The following XKR3 variants were observed in gnomAD, a reference collection of about 807,000 sequenced individuals.
XKR3 encodes the protein XK related 3, also known as XK-related protein 3.
XKR3 carries 27 observed loss-of-function variants against 40.3 expected under a neutral mutation model. That is an observed-to-expected ratio of 0.67 (90% CI 0.49 to 0.92). The LOEUF is 0.92. XKR3 is among the 40% of genes least tolerant of loss of function. XKR3 has a pLI of 0.00. For synonymous variants in XKR3, 193 were observed against 195.4 expected (o/e 0.99, Z 0.10); for missense variants, 472 against 537.6 (o/e 0.88, Z 1.21).
intron 2 of XKR3, among the ~76,000 whole-genome samples, chr22:16,806,417 T>A (rs1358279376): frequency 2.6e-5 from 4 of 151,856 alleles, no homozygotes; most frequent in Admixed American, 2.6e-4. Context: ...TATATAAACA[T>A]GTATTTCCAT....
At position 16,807,941 on chromosome 22, in the gene XKR3, A is replaced by T. The variant is rs747272177; in HGVS notation, c.133T>A (p.Cys45Ser). ...FSIIFSTVLY[C>S]GEVAFGLYMF... ...TATAAACCAAAGGCAACCTCACCAC[A>T]GTAGAGAACAGTTGAGAAGATAATG... Residue 45 changes from cysteine to serine, a missense_variant, in exon 2 of 4, where the codon TGT becomes AGT. Transcript: ENST00000684488. 1 of 1,614,032 alleles carries T rather than the reference A, an allele frequency of 6.2e-7. No homozygotes were observed. The highest frequency in any genetic ancestry group is 1.1e-5 in the South Asian group (1 of 91,074).
intron 1 of XKR3, among the ~76,000 whole-genome samples, chr22:16,810,391 A>G (rs904787469): frequency 6.6e-6 from 1 of 152,088 alleles, no homozygotes; most frequent in African/African-American, 2.4e-5. Flanking sequence ...TCATTGCATC[A>G]TTTCTATTAA....
At chr22:16,798,764 C>A (rs2060153644) in intron 3 of XKR3, among the ~76,000 whole-genome samples, 2 of 152,070 alleles carry the variant, frequency 1.3e-5, no homozygotes, top group South Asian at 4.2e-4. Flanking sequence ...GAATAGAAAA[C>A]CAAATAGATT....
In XKR3 at chr22:16,808,001, G is replaced by C. The variant is rs1233206386; in HGVS notation, c.73C>G (p.Leu25Val). ...GVSSSKEEIV[L>V]GQRLHLSFPF... Reference sequence around the variant, plus strand: ...AAGCTTAGATGGAGTCTCTGGCCAAGGACTATTTCTTCTTTCGAAGATGAA... The same window carrying C: ...AAGCTTAGATGGAGTCTCTGGCCAACGACTATTTCTTCTTTCGAAGATGAA... Residue 25 changes from leucine to valine, a missense_variant, in exon 2 of 4, where the codon CTT (leucine) becomes GTT (valine). Leu to Val is a conservative substitution (Grantham distance 32, BLOSUM62 1). Transcript: ENST00000684488. 20 of 1,613,606 alleles carry C rather than the reference G, an allele frequency of 1.2e-5. No homozygotes were observed. Among genetic ancestry groups the C allele is most frequent in the Non-Finnish European group, 1.7e-5 (20 of 1,179,824 alleles).
intron 2 of XKR3, among the ~76,000 whole-genome samples, chr22:16,802,678 C>T (rs570631767): frequency 5.3e-5 from 8 of 151,934 alleles, no homozygotes; most frequent in Non-Finnish European, 8.8e-5. Context: ...GTAGTAGAGA[C>T]AGGGTTTCAC....
intron 3 of XKR3, among the ~76,000 whole-genome samples, chr22:16,791,671 C>T (rs1306278933): frequency 7.3e-6 from 1 of 136,482 alleles, no homozygotes; most frequent in African/African-American, 2.8e-5. Context: ...TGTAACCTGT[C>T]GATGTAAAAA....
chr22:16,798,833 C>G (rs556604584), intron 3 of XKR3, among the ~76,000 whole-genome samples: 1 of 152,244 alleles, frequency 6.6e-6, no homozygotes, highest in East Asian at 1.9e-4. Flanking sequence ...ATGGAAATAA[C>G]AAACATTGTC....
At chr22:16,803,020 T>C (rs1420388742) in intron 2 of XKR3, among the ~76,000 whole-genome samples, 1 of 152,174 alleles carries the variant, frequency 6.6e-6, no homozygotes, top group Non-Finnish European at 1.5e-5. Flanking sequence ...TGTAAAGTTA[T>C]GTTAATCAGG....
chr22:16,806,614 T>C (rs1159753668), intron 2 of XKR3, among the ~76,000 whole-genome samples: 1 of 151,896 alleles, frequency 6.6e-6, no homozygotes, highest in Non-Finnish European at 1.5e-5. Flanking sequence ...TTTTTTTTGG[T>C]ATTTAGCAGA....
At chr22:16,784,837 G>T (rs1204049938) in intron 3 of XKR3, among the ~76,000 whole-genome samples, 1 of 152,192 alleles carries the variant, frequency 6.6e-6, no homozygotes, top group Non-Finnish European at 1.5e-5. Flanking sequence ...GTGTTAACTA[G>T]GAAGTTAGCA....
chr22:16,801,830 T>C (rs1206270613), intron 2 of XKR3, among the ~76,000 whole-genome samples: 1 of 152,198 alleles, frequency 6.6e-6, no homozygotes, highest in Admixed American at 6.5e-5. Flanking sequence ...AAAACTGTAT[T>C]AATTTTAAGC....
At chr22:16,824,224 C>A (rs2060266152) in intron 1 of XKR3, among the ~76,000 whole-genome samples, 2 of 152,002 alleles carry the variant, frequency 1.3e-5, no homozygotes, top group African/African-American at 4.8e-5. Flanking sequence ...CAATGAAGTA[C>A]CCATTTCCAC....
At position 16,797,622 on chromosome 22, in the gene XKR3, C is replaced by A. The variant is rs2060147182; in HGVS notation, c.589+2149G>T. Among the ~76,000 whole-genome samples the A allele has an allele frequency of 1.3e-5, 2 of 151,308 alleles. 1 individual carries two copies. Among genetic ancestry groups the A allele is most frequent in the Admixed American group, 1.3e-4 (2 of 15,190 alleles). On this transcript the variant is annotated intron_variant, in intron 3 of 3. Transcript: ENST00000684488. ...CCTGGCTAACATGGTGAAACCCCGT[C>A]TCTACTAAAAATACAAAAAAATTAG...
chr22:16,794,235 C>T lies in XKR3; in HGVS notation c.589+5536G>A, dbSNP rs1040487735. ...AGATGCTATGTAAGATGACCATTCC[C>T]AAGGCACATAGTCATCAGATTCACC... On this transcript the variant is annotated intron_variant, in intron 3 of 3. Coordinates refer to ENST00000684488, the MANE Select transcript of XKR3 (RefSeq NM_001386955.1). 6.7e-3 allele frequency among the ~76,000 whole-genome samples: 1,020 copies of T among 152,094 alleles called. 13 individuals carry two copies. Among genetic ancestry groups the T allele is most frequent in the African/African-American group, 0.023 (957 of 41,478 alleles).
intron 3 of XKR3, among the ~76,000 whole-genome samples, chr22:16,787,562 A>G (rs1307594533): frequency 2.9e-3 from 165 of 57,702 alleles, no homozygotes; most frequent in African/African-American, 7.7e-3. Flanking sequence ...TCCGTCTCAA[A>G]TTAAAAAAAA....
At position 16,807,846 on chromosome 22, in the gene XKR3, C is replaced by T. The variant is rs1413140631; in HGVS notation, c.228G>A (p.Val76=). 6.2e-7 allele frequency: 1 copy of T among 1,613,802 alleles called. No homozygotes were observed. Among genetic ancestry groups the T allele is most frequent in the African/African-American group, 1.3e-5 (1 of 74,902 alleles). The part of the protein sequence containing the change: ...WMSFTISFII[V]GAILDQIILM... Reference sequence around the variant, plus strand: ...GGATAATTTGATCCAAAATTGCCCCCACAATAATAAAGCTGATGGTAAATG... The same window carrying T: ...GGATAATTTGATCCAAAATTGCCCCTACAATAATAAAGCTGATGGTAAATG... The change falls in exon 2 of 4, where the codon GTG becomes GTA. Residue 76 remains valine, a synonymous_variant. Transcript: ENST00000684488.
chr22:16,799,598 C>T (rs1179999061), intron 3 of XKR3, among the ~76,000 whole-genome samples, 173 bp downstream of exon 3: 1 of 151,568 alleles, frequency 6.6e-6, no homozygotes, highest in East Asian at 1.9e-4. Flanking sequence ...CTATGGATTC[C>T]AGCAGCATCT....
chr22:16,822,287 T>C (rs2060260136), intron 1 of XKR3, among the ~76,000 whole-genome samples: 1 of 152,066 alleles, frequency 6.6e-6, no homozygotes, highest in South Asian at 2.1e-4. Flanking sequence ...CTCTTCAAGG[T>C]AGGTTGTGGT....
chr22:16,791,242 T>C (rs1333933498), intron 3 of XKR3, among the ~76,000 whole-genome samples: 1 of 151,960 alleles, frequency 6.6e-6, no homozygotes, highest in Non-Finnish European at 1.5e-5. Context: ...AATTCTCATC[T>C]GCAGCAACAG....
Sources: gnomAD v4.1 joint callset for allele counts (sites outside exome capture counted in the v4.1 genomes callset) on GRCh38, gnomAD v4.1.1 for gene constraint, MANE v1.5 for transcripts, NCBI Gene and HGNC (gene_info 2026-07-23, HGNC 2026-07-21) for gene names.